Variants in SLC25A25 observed in about 807,000 individuals in gnomAD.
SLC25A25 encodes mitochondrial adenyl nucleotide antiporter SLC25A25.
A neutral mutation model predicts 57.7 loss-of-function variants in SLC25A25; 32 were observed. That is an observed-to-expected ratio of 0.55 (90% confidence interval 0.42 to 0.74). The LOEUF is 0.74. Among genes scored for constraint, SLC25A25 ranks in the 30% least tolerant of loss-of-function variants. SLC25A25 has a pLI of 0.00. For missense variants in SLC25A25, 556 were observed against 701.3 expected, an observed-to-expected ratio of 0.79 and a Z score of 2.34; for synonymous variants, 306 against 291.2, an observed-to-expected ratio of 1.05 and a Z score of -0.52.
chr9:128,080,424 G>A (rs1218271344), intron 1 of SLC25A25, among the ~76,000 whole-genome samples: 2 of 148,638 alleles, frequency 1.3e-5, no homozygotes, highest in African/African-American at 4.9e-5. Flanking sequence ...GGACACAGTG[G>A]AATGGTCCTG....
Position 128,103,955 on chromosome 9 carries a change from C to T in SLC25A25, c.783+116C>T, listed in dbSNP as rs925389508. On this transcript the variant is annotated intron_variant, in intron 6 of 10. Transcript: ENST00000373069. The surrounding 1 kb of genome is among the most constrained non-coding windows in gnomAD (Gnocchi z 6.7). ...CTGCTTTGGGCCCAAACTTTTCTAA[C>T]CCAATAAATTAGACTAGAATTATTG... The T allele has an allele frequency of 4.5e-6, 5 of 1,099,164 alleles. No individual in the cohort carries two copies. The highest frequency in any genetic ancestry group is 3.1e-5 in the Admixed American group (1 of 32,534). The allele number at this position is 1,099,164 out of a possible 1,614,324, so 68.1% of individuals were successfully genotyped here. A position where few individuals can be genotyped will look rare whatever the true frequency, so the allele number is the denominator to read the frequency against.
chr9:128,075,640 G>A (rs12555458), intron 1 of SLC25A25, among the ~76,000 whole-genome samples: 1 of 152,104 alleles, frequency 6.6e-6, no homozygotes, highest in Non-Finnish European at 1.5e-5. Flanking sequence ...TCAGGAGTTC[G>A]AGACTAGCCT....
chr9:128,069,879 G>A (rs1832863023), intron 1 of SLC25A25, among the ~76,000 whole-genome samples: 1 of 148,784 alleles, frequency 6.7e-6, no homozygotes, highest in African/African-American at 2.6e-5. Flanking sequence ...AGCCTCCCCA[G>A]TAGCTGGGAT....
At position 128,107,763 on chromosome 9, in the gene SLC25A25, C is replaced by A; in HGVS notation, c.*319C>A. 2.5e-6 allele frequency: 1 copy of A among 406,556 alleles called. No individual in the cohort carries two copies. The allele number at this position is 406,556 out of a possible 1,614,324, so 25.2% of individuals were successfully genotyped here. On this transcript the variant is annotated 3_prime_UTR_variant, in exon 11 of 11. Transcript: ENST00000373069. The stretch of plus-strand genomic sequence containing the variant: ...CAATAGCGAGCTTGGAGCCTGGAGG[C>A]CGGCTTAGTTCTTCCATTTCACCCT...
At chr9:128,074,849 A>C (rs1403540461) in intron 1 of SLC25A25, among the ~76,000 whole-genome samples, 1 of 151,836 alleles carries the variant, frequency 6.6e-6, no homozygotes, top group Admixed American at 6.6e-5. Context: ...AAAAATACAA[A>C]AATTGGCTGG....
In SLC25A25 at chr9:128,077,910, C is replaced by T. The variant is rs528037988; in HGVS notation, c.261+9330C>T. On this transcript the variant is annotated intron_variant, in intron 1 of 10. Transcript: ENST00000373069. ...GCATGGTGGCACACATCTGTAATCC[C>T]AGCTACTCGGGAGGCTGAGGCAGGA... 4.6e-5 allele frequency among the ~76,000 whole-genome samples: 7 copies of T among 151,972 alleles called. No individual in the cohort carries two copies. In the South Asian group the frequency reaches 1.5e-3, roughly 32 times the overall value.
At chr9:128,083,268 T>G (rs12335456) in intron 1 of SLC25A25, among the ~76,000 whole-genome samples, 105,319 of 143,722 alleles carry the variant, frequency 0.73, 40,365 homozygotes, top group Non-Finnish European at 0.85. Flanking sequence ...TTTTTTTGTT[T>G]GTTTTGGTTT....
intron 1 of SLC25A25, among the ~76,000 whole-genome samples, chr9:128,073,766 CCT>C (rs1832952840): frequency 6.7e-6 from 1 of 150,340 alleles, no homozygotes; most frequent in Non-Finnish European, 1.5e-5. Flanking sequence ...ACAGAGTCTT[CCT>C]CTGTCACCCA....
intron 1 of SLC25A25, among the ~76,000 whole-genome samples, chr9:128,073,655 A>G (rs1333607214): frequency 1.3e-5 from 2 of 152,190 alleles, no homozygotes; most frequent in African/African-American, 2.4e-5. Context: ...ATTGGATTAA[A>G]TTCATATATT....
rs542129619 is a variant in SLC25A25 at position 128,108,562 on chromosome 9, G to A, written c.*1118G>A. On this transcript the variant is annotated 3_prime_UTR_variant, in exon 11 of 11. Transcript: ENST00000373069. ...GAGTTATGTCCTAACTATTTTTATA[G>A]ATTTGTTTAATTAATAGCTTGTCAT... The A allele has an allele frequency of 3.8e-6, 1 of 261,450 alleles. No individual in the cohort carries two copies. The highest frequency in any genetic ancestry group is 5.4e-5 in the Admixed American group (1 of 18,508). The allele number at this position is 261,450 out of a possible 1,614,324, so 16.2% of individuals were successfully genotyped here.
At position 128,099,279 on chromosome 9, in the gene SLC25A25, C is replaced by T. The variant is rs1356175199; in HGVS notation, c.262-1817C>T. On this transcript the variant is annotated intron_variant, in intron 1 of 10. Coordinates refer to ENST00000373069, the MANE Select transcript of SLC25A25 (RefSeq NM_001330988.2). The surrounding 1 kb of genome is among the most constrained non-coding windows in gnomAD (Gnocchi z 6.8). Reference sequence around the variant, plus strand: ...CAGTTTCCCTGCTACCCCCAGTGCCCACTGTGCACCAAGGGGGATTTGCAG... The same window carrying T: ...CAGTTTCCCTGCTACCCCCAGTGCCTACTGTGCACCAAGGGGGATTTGCAG... The T allele has an allele frequency of 1.6e-6, 2 of 1,288,380 alleles. No individual in the cohort carries two copies. Among genetic ancestry groups the T allele is most frequent in the Admixed American group, 2.3e-5 (1 of 43,430 alleles). 79.8% of individuals were successfully genotyped at this position (1,288,380 alleles called of 1,614,324 possible).
intron 6 of SLC25A25, among the ~76,000 whole-genome samples, chr9:128,105,213 C>T (rs969199311): frequency 4.4e-5 from 6 of 136,620 alleles, no homozygotes; most frequent in Middle Eastern, 4.3e-3. Flanking sequence ...CTCTGTCGCC[C>T]AGGCTGGAGT....
At chr9:128,096,928 C>A (rs941394336) in intron 1 of SLC25A25, among the ~76,000 whole-genome samples, 2 of 152,200 alleles carry the variant, frequency 1.3e-5, no homozygotes, top group Non-Finnish European at 2.9e-5. Context: ...TAGGGTAGCC[C>A]AAGACCTGTT....
At chr9:128,096,202 A>C (rs1454919952) in intron 1 of SLC25A25, among the ~76,000 whole-genome samples, 1 of 152,162 alleles carries the variant, frequency 6.6e-6, no homozygotes, top group African/African-American at 2.4e-5. Flanking sequence ...ATAAATGTGA[A>C]CCTCCTTTAA....
intron 6 of SLC25A25, among the ~76,000 whole-genome samples, chr9:128,104,391 G>A (rs1488073786): frequency 6.6e-6 from 1 of 152,218 alleles, no homozygotes; most frequent in African/African-American, 2.4e-5. Flanking sequence ...CGGCTTGGAA[G>A]AGCTGCCTCC....
intron 1 of SLC25A25, among the ~76,000 whole-genome samples, chr9:128,086,328 A>ATTTTTT (rs35134996): frequency 6.3e-5 from 6 of 95,438 alleles, no homozygotes; most frequent in Admixed American, 2.4e-4. Flanking sequence ...TACTCGGCTA[A>ATTTTTT]TTTTTTTTTT....
intron 1 of SLC25A25, among the ~76,000 whole-genome samples, chr9:128,069,784 T>G (rs1832860350): frequency 6.6e-6 from 1 of 152,186 alleles, no homozygotes; most frequent in Non-Finnish European, 1.5e-5. Flanking sequence ...CGGAGTCTGG[T>G]TCTGTCTCCC....
chr9:128,096,950 G>A (rs746705681), intron 1 of SLC25A25, among the ~76,000 whole-genome samples: 7 of 152,212 alleles, frequency 4.6e-5, no homozygotes, highest in East Asian at 1.9e-4. Context: ...TCACAGACTC[G>A]TTATCAGATC....
At chr9:128,082,544 C>T (rs923933565) in intron 1 of SLC25A25, among the ~76,000 whole-genome samples, 2 of 152,210 alleles carry the variant, frequency 1.3e-5, no homozygotes, top group African/African-American at 4.8e-5. Flanking sequence ...TGCCATATAT[C>T]AGTATATAAA....
Sources: gnomAD v4.1 joint callset for allele counts (sites outside exome capture counted in the v4.1 genomes callset) on GRCh38, gnomAD v4.1.1 for gene constraint, Gnocchi (gnomAD v3.1) non-coding constraint, MANE v1.5 for transcripts, NCBI Gene and HGNC (gene_info 2026-07-23, HGNC 2026-07-21) for gene names.